PTPRK: variants seen among roughly 807,000 people sequenced by gnomAD.
PTPRK encodes protein tyrosine phosphatase receptor type K.
Under a neutral mutation model 178.0 loss-of-function variants are expected in PTPRK, and 75 were observed. That is an observed-to-expected ratio of 0.42 (90% CI 0.35 to 0.51). The LOEUF (loss-of-function observed/expected upper bound fraction) is 0.51, where lower values mean the gene tolerates loss of function less well. PTPRK is among the 20% of genes least tolerant of loss of function. The pLI, the probability that PTPRK is intolerant of heterozygous loss-of-function variation, is 0.02. For synonymous variants in PTPRK, 637 were observed against 620.6 expected (o/e 1.03, Z -0.39); for missense variants, 1,441 against 1,797.8 (o/e 0.80, Z 3.59).
intron 7 of PTPRK, among the ~76,000 whole-genome samples, chr6:128,154,204 T>A (rs951100334): frequency 1.1e-4 from 17 of 151,704 alleles, no homozygotes; most frequent in African/African-American, 3.4e-4. Flanking sequence ...ATAATTGATA[T>A]ATATTAATAA....
intron 7 of PTPRK, among the ~76,000 whole-genome samples, chr6:128,106,968 G>T (rs1789823318): frequency 1.3e-5 from 2 of 151,890 alleles, no homozygotes; most frequent in Non-Finnish European, 2.9e-5. Context: ...GCCTAACAGA[G>T]GTACTTTACT....
At chr6:128,298,667 T>C (rs1386525538) in intron 3 of PTPRK, among the ~76,000 whole-genome samples, 4 of 152,096 alleles carry the variant, frequency 2.6e-5, no homozygotes, top group South Asian at 2.1e-4. Context: ...CAAAATTCAA[T>C]AACCCTTCAT....
chr6:128,419,334 C>T (rs757186220), intron 1 of PTPRK, among the ~76,000 whole-genome samples: 3 of 152,130 alleles, frequency 2.0e-5, no homozygotes, highest in Non-Finnish European at 2.9e-5. Flanking sequence ...AGAATGCGGC[C>T]GGGCGCGGTG....
chr6:128,455,299 C>T (rs1848260508), intron 1 of PTPRK, among the ~76,000 whole-genome samples: 1 of 152,002 alleles, frequency 6.6e-6, no homozygotes, highest in Admixed American at 6.6e-5. Context: ...GATTTGAAAT[C>T]TCATTATAAA....
chr6:128,329,487 A>G (rs1829998350), intron 2 of PTPRK, among the ~76,000 whole-genome samples: 1 of 151,602 alleles, frequency 6.6e-6, no homozygotes, highest in Admixed American at 6.6e-5. Context: ...TGATGGTATA[A>G]TTCCAATCCG....
At chr6:128,200,001 T>C (rs1583450634) in intron 6 of PTPRK, among the ~76,000 whole-genome samples, 3 of 152,208 alleles carry the variant, frequency 2.0e-5, no homozygotes, top group Admixed American at 6.5e-5. Context: ...ATGTTACATA[T>C]ATTGTGATGT....
intron 6 of PTPRK, among the ~76,000 whole-genome samples, chr6:128,194,570 T>C (rs1297341314): frequency 6.6e-6 from 1 of 152,168 alleles, no homozygotes; most frequent in Non-Finnish European, 1.5e-5. Context: ...CTCAAACTGT[T>C]CATAGTATTT....
At chr6:128,357,247 C>G (rs372911527) in intron 2 of PTPRK, among the ~76,000 whole-genome samples, 20 of 152,118 alleles carry the variant, frequency 1.3e-4, no homozygotes, top group African/African-American at 4.8e-4. Flanking sequence ...TATATTAAAT[C>G]AAGGTTTCAA....
intron 13 of PTPRK, among the ~76,000 whole-genome samples, chr6:128,013,870 T>G (rs1779311155): frequency 6.6e-6 from 1 of 151,506 alleles, no homozygotes; most frequent in Admixed American, 6.6e-5. Context: ...CTGTTCCACC[T>G]CAAAACCCAC....
intron 1 of PTPRK, among the ~76,000 whole-genome samples, chr6:128,505,094 A>C (rs1856121001): frequency 1.3e-5 from 2 of 150,344 alleles, no homozygotes; most frequent in African/African-American, 4.9e-5. Context: ...ATAACAACTT[A>C]AGAAATTTAC....
intron 7 of PTPRK, among the ~76,000 whole-genome samples, chr6:128,160,749 A>T (rs1304225065): frequency 6.6e-6 from 1 of 151,448 alleles, no homozygotes; most frequent in Non-Finnish European, 1.5e-5. Context: ...TATGTTAGAA[A>T]TAAGTATTAA....
chr6:128,316,131 G>C (rs1267086625), intron 3 of PTPRK, among the ~76,000 whole-genome samples: 1 of 152,164 alleles, frequency 6.6e-6, no homozygotes, highest in Non-Finnish European at 1.5e-5. Context: ...ACATTTATCT[G>C]CCTGATCAAT....
chr6:128,234,811 CAT>C (rs1384533296), intron 5 of PTPRK, among the ~76,000 whole-genome samples: 4 of 152,114 alleles, frequency 2.6e-5, no homozygotes, highest in Non-Finnish European at 5.9e-5. Context: ...TTTGTGGGCA[CAT>C]GTCTTAATTT....
At chr6:128,448,292 A>G (rs1847296581) in intron 1 of PTPRK, among the ~76,000 whole-genome samples, 2 of 152,226 alleles carry the variant, frequency 1.3e-5, no homozygotes, top group Non-Finnish European at 2.9e-5. Flanking sequence ...CTGGAGAGAT[A>G]ATAAATGATG....
chr6:128,389,681 T>C lies in PTPRK; in HGVS notation c.223+7885A>G, dbSNP rs150684995. Among the ~76,000 whole-genome samples the C allele has an allele frequency of 3.9e-5, 6 of 152,216 alleles. No individual in the cohort carries two copies. The East Asian group carries it at 1.2e-3, about 29-fold the overall frequency. ...TCTTTGAAATTGCTGTGTGTTCCTA[T>C]CTTAATTCATCTAGGAGGTTGGAAG... On this transcript the variant is annotated intron_variant, in intron 2 of 29. Coordinates refer to ENST00000368226, the MANE Select transcript of PTPRK (RefSeq NM_002844.4).
chr6:128,262,428 T>C (rs1302576516), intron 3 of PTPRK, among the ~76,000 whole-genome samples: 1 of 152,172 alleles, frequency 6.6e-6, no homozygotes, highest in Non-Finnish European at 1.5e-5. Flanking sequence ...TTTTGGCCTT[T>C]TTGTTTTCTA....
chr6:128,424,321 C>G (rs759259439), intron 1 of PTPRK, among the ~76,000 whole-genome samples: 1 of 152,080 alleles, frequency 6.6e-6, no homozygotes. Context: ...ATAGTGGCTG[C>G]GGAAAAGTCA....
intron 11 of PTPRK, among the ~76,000 whole-genome samples, chr6:128,071,484 G>A (rs59219915): frequency 0.066 from 10,026 of 152,026 alleles, 1,183 homozygotes; most frequent in African/African-American, 0.23. Flanking sequence ...CCTGTCTGCT[G>A]TACTGCTGTC....
chr6:128,353,387 T>G (rs1459342905), intron 2 of PTPRK, among the ~76,000 whole-genome samples: 2 of 152,210 alleles, frequency 1.3e-5, no homozygotes, highest in East Asian at 1.9e-4. Context: ...AAATAAAAAT[T>G]TATGTTCACA....
Sources: gnomAD v4.1 joint callset for allele counts (sites outside exome capture counted in the v4.1 genomes callset) on GRCh38, gnomAD v4.1.1 for gene constraint, MANE v1.5 for transcripts, NCBI Gene and HGNC (gene_info 2026-07-23, HGNC 2026-07-21) for gene names.